NEURL1: variants seen among roughly 807,000 people sequenced by gnomAD.
NEURL1 encodes neuralized E3 ubiquitin protein ligase 1, also known as E3 ubiquitin-protein ligase NEURL1.
A neutral mutation model predicts 41.2 loss-of-function variants in NEURL1; 26 were observed. That is an observed-to-expected ratio of 0.63 (90% confidence interval 0.46 to 0.87). NEURL1 has a LOEUF of 0.87. NEURL1 is among the 40% of genes least tolerant of loss of function. NEURL1 has a pLI of 0.00. For synonymous variants in NEURL1, 400 were observed against 402.3 expected, an observed-to-expected ratio of 0.99 and a Z score of 0.07; for missense variants, 761 against 871.1, an observed-to-expected ratio of 0.87 and a Z score of 1.59.
chr10:103,571,175 T>C (rs1368113236), intron 2 of NEURL1, 62 bp downstream of exon 2: 11 of 1,542,314 alleles, frequency 7.1e-6, no homozygotes, highest in Middle Eastern at 2.2e-4. Flanking sequence ...TGGCATCCCC[T>C]GGGCCTCTGG....
intron 3 of NEURL1, among the ~76,000 whole-genome samples, chr10:103,575,659 C>T (rs990250162): frequency 6.6e-6 from 1 of 152,126 alleles, no homozygotes; most frequent in African/African-American, 2.4e-5. Context: ...ATGCCATGGC[C>T]CCAGCAGGCC....
intron 3 of NEURL1, among the ~76,000 whole-genome samples, chr10:103,581,974 T>C (rs2035791626): frequency 6.6e-6 from 1 of 152,190 alleles, no homozygotes. Flanking sequence ...GTAGTGTGCA[T>C]GTTTAAGTAG....
In NEURL1 at chr10:103,498,328, C is replaced by T. The variant is rs565938981; in HGVS notation, c.85+3856C>T. ...CTGCAAGCTCCGCCTCCCGGGTTCA[C>T]GCCTTCTCCCGCCTCAGCCTCCCGA... On this transcript the variant is annotated intron_variant, in intron 1 of 5. Transcript: ENST00000369780. Among the ~76,000 whole-genome samples, 5 of 152,294 alleles carry T rather than the reference C, an allele frequency of 3.3e-5. 1 individual carries two copies. In the East Asian group the frequency reaches 7.7e-4, roughly 24 times the overall value.
At chr10:103,502,407 T>C (rs1007392678) in intron 1 of NEURL1, among the ~76,000 whole-genome samples, 4 of 152,140 alleles carry the variant, frequency 2.6e-5, no homozygotes, top group Admixed American at 2.0e-4. Context: ...CTTCCTGGCT[T>C]TCAGGTGGCT....
chr10:103,559,703 A>G (rs2035240051), intron 1 of NEURL1, among the ~76,000 whole-genome samples: 1 of 152,018 alleles, frequency 6.6e-6, no homozygotes, highest in Admixed American at 6.5e-5. Flanking sequence ...GAGTTGTAGG[A>G]AGGATTAAGT....
intron 1 of NEURL1, among the ~76,000 whole-genome samples, chr10:103,549,474 C>T (rs1423095983): frequency 6.6e-6 from 1 of 152,210 alleles, no homozygotes; most frequent in Non-Finnish European, 1.5e-5. Flanking sequence ...GCAGCAGCCT[C>T]CACTCTTGTC....
chr10:103,506,831 G>A (rs2033959406), intron 1 of NEURL1, among the ~76,000 whole-genome samples: 1 of 151,996 alleles, frequency 6.6e-6, no homozygotes, highest in Admixed American at 6.6e-5. Context: ...AAGTACGGGG[G>A]ATTACAGGTG....
At chr10:103,511,073 C>T (rs2034058601) in intron 1 of NEURL1, among the ~76,000 whole-genome samples, 1 of 152,086 alleles carries the variant, frequency 6.6e-6, no homozygotes, top group Admixed American at 6.5e-5. Flanking sequence ...TCTCAGAGGC[C>T]CTCCTTTGTT....
intron 3 of NEURL1, among the ~76,000 whole-genome samples, chr10:103,573,703 G>T (rs1428513850): frequency 6.6e-6 from 1 of 152,188 alleles, no homozygotes; most frequent in Non-Finnish European, 1.5e-5. Context: ...CCACATGGTG[G>T]AAGACAAAGT....
intron 4 of NEURL1, among the ~76,000 whole-genome samples, chr10:103,587,145 A>C (rs4918027): frequency 0.33 from 50,511 of 151,996 alleles, 9,464 homozygotes; most frequent in South Asian, 0.54. Context: ...AGATGGAATA[A>C]AAAGAAATTA....
intron 1 of NEURL1, among the ~76,000 whole-genome samples, chr10:103,521,769 G>A (rs1164052356): frequency 6.6e-6 from 1 of 152,148 alleles, no homozygotes; most frequent in Non-Finnish European, 1.5e-5. Flanking sequence ...TCGATGAGAA[G>A]GAGAAAAACT....
intron 1 of NEURL1, among the ~76,000 whole-genome samples, chr10:103,546,816 T>TG (rs1198505774): frequency 6.6e-6 from 1 of 152,046 alleles, no homozygotes; most frequent in Non-Finnish European, 1.5e-5. Flanking sequence ...AGGTCAGAGG[T>TG]GGGGGGAGAC....
chr10:103,506,458 G>A (rs1029516069), intron 1 of NEURL1, among the ~76,000 whole-genome samples: 3 of 152,128 alleles, frequency 2.0e-5, no homozygotes, highest in Non-Finnish European at 2.9e-5. Context: ...CATGGTCTCT[G>A]CCCTGACATA....
At chr10:103,563,008 A>G (rs143878176) in intron 1 of NEURL1, among the ~76,000 whole-genome samples, 1 of 152,224 alleles carries the variant, frequency 6.6e-6, no homozygotes, top group African/African-American at 2.4e-5. Flanking sequence ...CAGCTTTCCA[A>G]CCATTCTCCT....
intron 1 of NEURL1, among the ~76,000 whole-genome samples, chr10:103,528,244 T>C (rs1048100511): frequency 7.2e-5 from 11 of 152,138 alleles, no homozygotes; most frequent in Non-Finnish European, 1.6e-4. Context: ...TAATCCCAGC[T>C]ACTCAAAGGC....
At chr10:103,584,419 T>G (rs2133884697) in intron 3 of NEURL1, 117 bp from the exon 4 acceptor site, 2 of 532,150 alleles carry the variant, frequency 3.8e-6, no homozygotes, top group Non-Finnish European at 5.9e-6. Flanking sequence ...ACAAGCATCG[T>G]GTGCGCCATT....
chr10:103,510,775 C>G lies in NEURL1; in HGVS notation c.85+16303C>G, dbSNP rs146560262. Among the ~76,000 whole-genome samples, 128 of 152,312 alleles carry G rather than the reference C, an allele frequency of 8.4e-4. 1 individual carries two copies. The highest frequency in any genetic ancestry group is 3.1e-3 in the African/African-American group (127 of 41,570). On this transcript the variant is annotated intron_variant, in intron 1 of 5. Coordinates refer to ENST00000369780, the MANE Select transcript of NEURL1 (RefSeq NM_004210.5). ...TCTCTTGCTACCTCCAATGTGGATC[C>G]TTCTCTTGGAGAGCTAAAGTTGCTG...
Position 103,566,394 on chromosome 10 carries a change from AC to A in NEURL1, c.86-4476del, listed in dbSNP as rs2035425151. ...CTCTCCCCTACTCTCCTTCTCTGAT[AC>A]CTACTGATCTCTGTCTCTCTCTAGT... On this transcript the variant is annotated intron_variant, in intron 1 of 5. Coordinates refer to ENST00000369780, the MANE Select transcript of NEURL1 (RefSeq NM_004210.5). The surrounding 1 kb of genome is among the most constrained non-coding windows in gnomAD (Gnocchi z 4.2). 6.6e-6 allele frequency among the ~76,000 whole-genome samples: 1 copy of A among 152,044 alleles called. No individual in the cohort carries two copies. Among genetic ancestry groups the A allele is most frequent in the African/African-American group, 2.4e-5 (1 of 41,396 alleles).
At chr10:103,548,078 T>C (rs1485592181) in intron 1 of NEURL1, among the ~76,000 whole-genome samples, 1 of 152,142 alleles carries the variant, frequency 6.6e-6, no homozygotes, top group Non-Finnish European at 1.5e-5. Context: ...AAGGCTAGCT[T>C]CCAGTTTAAA....
Sources: gnomAD v4.1 joint callset for allele counts (sites outside exome capture counted in the v4.1 genomes callset) on GRCh38, gnomAD v4.1.1 for gene constraint, Gnocchi (gnomAD v3.1) non-coding constraint, MANE v1.5 for transcripts, NCBI Gene and HGNC (gene_info 2026-07-23, HGNC 2026-07-21) for gene names.